The following MGAT5B variants were observed in gnomAD, a reference collection of about 807,000 sequenced individuals.
MGAT5B encodes N-acetylglucosaminyl-transferase Vb.
Under a neutral mutation model 95.1 loss-of-function variants are expected in MGAT5B, and 54 were observed. The ratio of observed to expected loss-of-function variants is 0.57; its 90% confidence interval spans 0.46 to 0.71. The LOEUF (loss-of-function observed/expected upper bound fraction) is 0.71, where lower values mean the gene tolerates loss of function less well. MGAT5B is among the 30% of genes least tolerant of loss of function. MGAT5B has a pLI of 0.00. For synonymous variants in MGAT5B, 464 were observed against 451.0 expected (o/e 1.03, Z -0.36); for missense variants, 935 against 1,088.6 (o/e 0.86, Z 1.99).
intron 2 of MGAT5B, among the ~76,000 whole-genome samples, chr17:76,880,257 C>T (rs1293403782): frequency 2.6e-5 from 4 of 152,108 alleles, no homozygotes; most frequent in East Asian, 3.9e-4. Context: ...TTAAGGAAAT[C>T]GCAGCTTCTC....
chr17:76,903,257 C>G (rs777246440), intron 4 of MGAT5B, 46 bp from the exon 5 acceptor site: 21 of 1,517,152 alleles, frequency 1.4e-5, no homozygotes, highest in Non-Finnish European at 1.8e-5. Context: ...CCTCCCTGGG[C>G]TCCTCCTTGG....
At chr17:76,876,255 G>A (rs1054809383) in intron 2 of MGAT5B, among the ~76,000 whole-genome samples, 2 of 152,080 alleles carry the variant, frequency 1.3e-5, no homozygotes, top group Admixed American at 6.5e-5. Flanking sequence ...CTTAGGAGAT[G>A]CCTGAGGGAA....
chr17:76,924,333 G>T (rs1969223243), intron 8 of MGAT5B: 1 of 152,532 alleles, frequency 6.6e-6, no homozygotes, highest in Non-Finnish European at 1.5e-5. Flanking sequence ...TGGCAGAGGG[G>T]CACCACCCCT....
intron 9 of MGAT5B, among the ~76,000 whole-genome samples, 172 bp from the exon 10 acceptor site, chr17:76,926,425 A>G (rs34622563): frequency 0.71 from 107,369 of 151,974 alleles, 38,692 homozygotes; most frequent in East Asian, 0.78. Flanking sequence ...AGAGGTGAAG[A>G]CACTCACCTG....
At position 76,889,295 on chromosome 17, in the gene MGAT5B, A is replaced by G. The variant is rs1967783492; in HGVS notation, c.329+6997A>G. 1.3e-5 allele frequency among the ~76,000 whole-genome samples: 2 copies of G among 152,206 alleles called. No homozygotes were observed. The highest frequency in any genetic ancestry group is 1.9e-4 in the East Asian group (1 of 5,166). On this transcript the variant is annotated intron_variant, in intron 3 of 17. Coordinates refer to ENST00000569840, the MANE Select transcript of MGAT5B (RefSeq NM_001199172.2). The surrounding 1 kb of genome is among the most constrained non-coding windows in gnomAD (Gnocchi z 4.4). ...GCAGGCTCTTGAGGTCACAGTGCCC[A>G]TGGGAGGTGACTGAGCCCACGGGAG...
rs1374121511 is a variant in MGAT5B, at chr17:76,905,652, A to C, written c.855+319A>C. Among the ~76,000 whole-genome samples the C allele has an allele frequency of 6.6e-6, 1 of 151,836 alleles. No individual in the cohort carries two copies. The highest frequency in any genetic ancestry group is 1.5e-5 in the Non-Finnish European group (1 of 67,916). On this transcript the variant is annotated intron_variant, in intron 7 of 17. Coordinates refer to ENST00000569840, the MANE Select transcript of MGAT5B (RefSeq NM_001199172.2). This position sits in a 1 kb window ranked among gnomAD's most constrained non-coding sequence, Gnocchi z 4.2. ...GGGAGCTTCGTTAGCTCATGCCTCC[A>C]TTCTTCCTTCCCTCCTTCCTTCCCT...
chr17:76,891,895 G>A (rs1015283162), intron 3 of MGAT5B, among the ~76,000 whole-genome samples: 4 of 152,072 alleles, frequency 2.6e-5, no homozygotes, highest in Non-Finnish European at 5.9e-5. Context: ...CAAAGTTCTC[G>A]GTGCTTCGAA....
Position 76,882,239 on chromosome 17 carries a change from G to A in MGAT5B, c.270G>A (p.Arg90=), listed in dbSNP as rs1396549724. The change falls in exon 3 of 18, where the codon AGG becomes AGA. Residue 90 remains arginine, a synonymous_variant. Transcript: ENST00000569840. ...LMVKRMDALA[R]LENSSELHRA... is the part of the protein sequence containing the mutation. Reference sequence around the variant, plus strand: ...TGAAGCGCATGGACGCACTGGCCAGGCTGGAGAACAGCAGTGAGCTGCACC... The same window carrying A: ...TGAAGCGCATGGACGCACTGGCCAGACTGGAGAACAGCAGTGAGCTGCACC... 1 of 1,613,582 alleles carries A rather than the reference G, an allele frequency of 6.2e-7. No individual in the cohort carries two copies. Among genetic ancestry groups the A allele is most frequent in the South Asian group, 1.1e-5 (1 of 91,054 alleles).
chr17:76,926,789 G>T, intron 10 of MGAT5B, 59 bp downstream of exon 10: 1 of 1,581,436 alleles, frequency 6.3e-7, no homozygotes, highest in Non-Finnish European at 8.6e-7. Context: ...TCTCAGAGGT[G>T]ACACGAGAGG....
intron 8 of MGAT5B, among the ~76,000 whole-genome samples, chr17:76,921,140 G>C (rs995881999): frequency 6.6e-6 from 1 of 152,194 alleles, no homozygotes; most frequent in Admixed American, 6.5e-5. Context: ...GAGGTGAGAA[G>C]AGTCTTCTAG....
chr17:76,937,259 T>TG (rs1416813989), intron 12 of MGAT5B, among the ~76,000 whole-genome samples: 4 of 152,160 alleles, frequency 2.6e-5, no homozygotes, highest in African/African-American at 9.7e-5. Flanking sequence ...TAATTCCAAA[T>TG]ATGGAGCTTC....
At chr17:76,924,867 C>T (rs905352597) in intron 8 of MGAT5B, 99 bp from the exon 9 acceptor site, 1 of 1,441,174 alleles carries the variant, frequency 6.9e-7, no homozygotes, top group African/African-American at 1.4e-5. Context: ...GCTAAGCTCT[C>T]TGCACTTGTA....
chr17:76,941,706 T>G (rs1969866710), intron 15 of MGAT5B, among the ~76,000 whole-genome samples: 1 of 152,142 alleles, frequency 6.6e-6, no homozygotes, highest in Non-Finnish European at 1.5e-5. Context: ...AGGGACTGTC[T>G]GAGATTGGAT....
At position 76,940,572 on chromosome 17, in the gene MGAT5B, C is replaced by G; in HGVS notation, c.1731+24C>G. 6.3e-7 allele frequency: 1 copy of G among 1,597,796 alleles called. No homozygotes were observed. Among genetic ancestry groups the G allele is most frequent in the Non-Finnish European group, 8.6e-7 (1 of 1,169,002 alleles). On this transcript the variant is annotated intron_variant, in intron 14 of 17. Coordinates refer to ENST00000569840, the MANE Select transcript of MGAT5B (RefSeq NM_001199172.2). The surrounding 1 kb of genome is among the most constrained non-coding windows in gnomAD (Gnocchi z 4.3). Reference sequence around the variant, plus strand: ...AGGTGAGTGGAAAGCATCCTGGTCCCCGATCAGGAGGGGCCGGGACAGAGA... The same window carrying G: ...AGGTGAGTGGAAAGCATCCTGGTCCGCGATCAGGAGGGGCCGGGACAGAGA...
chr17:76,932,400 T>G (rs1001128620), intron 10 of MGAT5B, among the ~76,000 whole-genome samples: 5 of 151,988 alleles, frequency 3.3e-5, no homozygotes, highest in Non-Finnish European at 7.4e-5. Flanking sequence ...TCCCAGAGTG[T>G]TGGGATTATA....
rs538986699 is a variant in MGAT5B at position 76,902,515 on chromosome 17, C to T, written c.330-40C>T. On this transcript the variant is annotated intron_variant, in intron 3 of 17. Coordinates refer to ENST00000569840, the MANE Select transcript of MGAT5B (RefSeq NM_001199172.2). The stretch of plus-strand genomic sequence containing the variant: ...CAGGACCCTCATGGGAAGGTCACCC[C>T]GGCCGGTTCTGTGGCTCACCTCTGG... 4.3e-5 allele frequency: 64 copies of T among 1,485,290 alleles called. No individual in the cohort carries two copies. In the East Asian group the frequency reaches 5.2e-4, roughly 12 times the overall value. The allele number at this position is 1,485,290 out of a possible 1,614,324, so 92.0% of individuals were successfully genotyped here.
At chr17:76,892,024 C>T (rs980491951) in intron 3 of MGAT5B, among the ~76,000 whole-genome samples, 3 of 152,160 alleles carry the variant, frequency 2.0e-5, no homozygotes. Flanking sequence ...CACAGTGAGG[C>T]TGGTATGGTA....
rs1427871178 is a variant in MGAT5B at position 76,930,904 on chromosome 17, G to A, written c.1292-1741G>A. On this transcript the variant is annotated intron_variant, in intron 10 of 17. Coordinates refer to ENST00000569840, the MANE Select transcript of MGAT5B (RefSeq NM_001199172.2). The surrounding 1 kb of genome is among the most constrained non-coding windows in gnomAD (Gnocchi z 4.1). ...AGTAGAATTTCCTCATCCGAGACAA[G>A]GGAGGAGGGCAGTGCAGGCCGAGGG... 1.3e-5 allele frequency among the ~76,000 whole-genome samples: 2 copies of A among 151,966 alleles called. No homozygotes were observed. The highest frequency in any genetic ancestry group is 4.8e-5 in the African/African-American group (2 of 41,418).
intron 8 of MGAT5B, among the ~76,000 whole-genome samples, chr17:76,921,721 A>G (rs1321887484): frequency 6.6e-6 from 1 of 152,200 alleles, no homozygotes; most frequent in Non-Finnish European, 1.5e-5. Flanking sequence ...GTCCTGGCTC[A>G]GAGGCAGTGG....
Sources: gnomAD v4.1 joint callset for allele counts (sites outside exome capture counted in the v4.1 genomes callset) on GRCh38, gnomAD v4.1.1 for gene constraint, Gnocchi (gnomAD v3.1) non-coding constraint, MANE v1.5 for transcripts, NCBI Gene and HGNC (gene_info 2026-07-23, HGNC 2026-07-21) for gene names.